ARHGEF3: variants seen among roughly 807,000 people sequenced by gnomAD.
ARHGEF3 encodes the protein 59.8 kDA protein.
Under a neutral mutation model 63.2 loss-of-function variants are expected in ARHGEF3, and 28 were observed. The observed-to-expected ratio is 0.44, with a 90% CI of 0.33 to 0.61. The LOEUF is 0.61. Among genes scored for constraint, ARHGEF3 ranks in the 20% least tolerant of loss-of-function variants. ARHGEF3 has a pLI of 0.03. For missense variants in ARHGEF3, 533 were observed against 659.3 expected (o/e 0.81, Z 2.10); for synonymous variants, 266 against 254.2 (o/e 1.05, Z -0.44).
At chr3:56,958,714 T>G (rs969767668) in intron 3 of ARHGEF3, 7 of 1,173,568 alleles carry the variant, frequency 6.0e-6, no homozygotes, top group South Asian at 1.4e-5. Flanking sequence ...GCGCTCCTGA[T>G]GGAGACTTTG....
intron 3 of ARHGEF3, among the ~76,000 whole-genome samples, chr3:56,920,790 T>A (rs563501128): frequency 6.6e-6 from 1 of 152,180 alleles, no homozygotes; most frequent in Non-Finnish European, 1.5e-5. Context: ...CGATGGCTCA[T>A]GCCTGTAATC....
intron 1 of ARHGEF3, among the ~76,000 whole-genome samples, chr3:57,067,721 C>A (rs1039922366): frequency 2.0e-5 from 3 of 150,932 alleles, no homozygotes; most frequent in African/African-American, 7.3e-5. Flanking sequence ...GTGGCTCATG[C>A]CTGTAATCCC....
chr3:56,788,336 C>G (rs1042189529), intron 1 of ARHGEF3, among the ~76,000 whole-genome samples: 1 of 152,132 alleles, frequency 6.6e-6, no homozygotes, highest in Admixed American at 6.5e-5. Flanking sequence ...AGTCACTACC[C>G]GTATTGTCGT....
At chr3:56,933,693 T>C (rs1048858683) in intron 3 of ARHGEF3, among the ~76,000 whole-genome samples, 2 of 152,216 alleles carry the variant, frequency 1.3e-5, no homozygotes, top group African/African-American at 2.4e-5. Flanking sequence ...ATTGCTAGAT[T>C]ACAGGCTTGA....
intron 2 of ARHGEF3, among the ~76,000 whole-genome samples, chr3:56,974,074 A>G (rs541464430): frequency 2.2e-4 from 33 of 152,304 alleles, no homozygotes; most frequent in African/African-American, 7.5e-4. Context: ...CGACAGATCA[A>G]GACTCTGTCT....
intron 2 of ARHGEF3, among the ~76,000 whole-genome samples, chr3:56,997,746 T>A (rs1005478044): frequency 6.6e-5 from 10 of 152,166 alleles, no homozygotes; most frequent in African/African-American, 2.4e-4. Flanking sequence ...TCCAAACACC[T>A]GCTCTGCACC....
chr3:57,007,370 T>C (rs1702509157), intron 2 of ARHGEF3: 1 of 1,288,432 alleles, frequency 7.8e-7, no homozygotes, highest in African/African-American at 1.5e-5. Flanking sequence ...CAGTCACCAC[T>C]GCACGTGCCT....
At chr3:56,909,041 C>A (rs192205302) in intron 3 of ARHGEF3, among the ~76,000 whole-genome samples, 1 of 152,204 alleles carries the variant, frequency 6.6e-6, no homozygotes, top group African/African-American at 2.4e-5. Flanking sequence ...CGAGTCAGAC[C>A]CTGGACCTGA....
chr3:56,947,693 C>A (rs956235746), intron 3 of ARHGEF3, among the ~76,000 whole-genome samples: 7 of 151,928 alleles, frequency 4.6e-5, no homozygotes, highest in Non-Finnish European at 8.8e-5. Flanking sequence ...ACTTTAACAC[C>A]CCACTGTCAA....
At chr3:56,894,134 A>G (rs2041218563) in intron 3 of ARHGEF3, among the ~76,000 whole-genome samples, 1 of 152,128 alleles carries the variant, frequency 6.6e-6, no homozygotes, top group African/African-American at 2.4e-5. Context: ...CTTTCAATCT[A>G]TGAGGGACTG....
intron 1 of ARHGEF3, among the ~76,000 whole-genome samples, chr3:56,789,067 G>A (rs943341172): frequency 1.3e-5 from 2 of 149,390 alleles, no homozygotes; most frequent in Non-Finnish European, 3.0e-5. Context: ...TGCTGCTGCT[G>A]CTAATGACCT....
At chr3:56,814,282 C>T (rs991924014) in intron 4 of ARHGEF3, among the ~76,000 whole-genome samples, 1 of 152,128 alleles carries the variant, frequency 6.6e-6, no homozygotes, top group African/African-American at 2.4e-5. Context: ...TTTCGTAAAA[C>T]GTTATGAGAC....
Position 56,801,837 on chromosome 3 carries a change from A to G in ARHGEF3, c.-39T>C, listed in dbSNP as rs1053508154. The stretch of plus-strand genomic sequence containing the variant: ...CCTGCCCTTTGGGATGTCACCGCTG[A>G]CCCTAGGCGACTACAAAACTCCCAG... On this transcript the variant is annotated 5_prime_UTR_variant, in exon 1 of 10. Coordinates refer to ENST00000296315, the MANE Select transcript of ARHGEF3 (RefSeq NM_019555.3). The G allele has an allele frequency of 1.9e-6, 3 of 1,551,914 alleles. No homozygotes were observed.
chr3:56,950,988 A>T (rs1001512126), intron 3 of ARHGEF3, among the ~76,000 whole-genome samples: 7 of 151,994 alleles, frequency 4.6e-5, no homozygotes, highest in Admixed American at 3.9e-4. Context: ...AGGGACATGG[A>T]TGAAGCTGGA....
chr3:56,832,624 T>C (rs1276910132), intron 4 of ARHGEF3, among the ~76,000 whole-genome samples: 1 of 152,178 alleles, frequency 6.6e-6, no homozygotes, highest in Non-Finnish European at 1.5e-5. Context: ...AAAATTTATA[T>C]AACATAAAAT....
intron 1 of ARHGEF3, among the ~76,000 whole-genome samples, chr3:56,791,420 G>A (rs1156708496): frequency 6.6e-6 from 1 of 152,148 alleles, no homozygotes; most frequent in African/African-American, 2.4e-5. Flanking sequence ...TCCAGCCTAG[G>A]CAACAGAACA....
At chr3:56,889,026 G>A (rs1228209439) in intron 3 of ARHGEF3, among the ~76,000 whole-genome samples, 1 of 152,082 alleles carries the variant, frequency 6.6e-6, no homozygotes, top group African/African-American at 2.4e-5. Flanking sequence ...GGGTATTCCT[G>A]GAAGGATCAA....
rs928461189 is a variant in ARHGEF3 at position 56,744,661 on chromosome 3, C to T, written c.870+544G>A. ...CTTCAAGTGATCTGCCCACCTCGGCCTCCCAAAGTGCTGGGATTACAGGCA... is the reference window on the plus strand; with the variant it reads ...CTTCAAGTGATCTGCCCACCTCGGCTTCCCAAAGTGCTGGGATTACAGGCA... On this transcript the variant is annotated intron_variant, in intron 7 of 9. Transcript: ENST00000296315. 3.3e-5 allele frequency among the ~76,000 whole-genome samples: 5 copies of T among 152,146 alleles called. 1 individual carries two copies. Among genetic ancestry groups the T allele is most frequent in the Admixed American group, 6.5e-5 (1 of 15,272 alleles).
intron 4 of ARHGEF3, among the ~76,000 whole-genome samples, chr3:56,857,296 C>T (rs2039920523): frequency 6.6e-6 from 1 of 152,218 alleles, no homozygotes; most frequent in African/African-American, 2.4e-5. Flanking sequence ...CAACTATTCA[C>T]CCCGTTCATC....
Sources: gnomAD v4.1 joint callset for allele counts (sites outside exome capture counted in the v4.1 genomes callset) on GRCh38, gnomAD v4.1.1 for gene constraint, MANE v1.5 for transcripts, NCBI Gene and HGNC (gene_info 2026-07-23, HGNC 2026-07-21) for gene names.